Variants in CYP2F1 observed in about 807,000 individuals in gnomAD.
The protein encoded by CYP2F1 is cytochrome P450 2F1.
CYP2F1 carries 33 observed loss-of-function variants against 40.4 expected under a neutral mutation model. The observed-to-expected ratio is 0.82, with a 90% CI of 0.62 to 1.09. The LOEUF (loss-of-function observed/expected upper bound fraction) is 1.09. Among genes scored for constraint, CYP2F1 ranks in the 50% least tolerant of loss-of-function variants. CYP2F1 has a pLI of 0.00. For missense variants in CYP2F1, 566 were observed against 655.7 expected (o/e 0.86, Z 1.49); for synonymous variants, 235 against 277.2 (o/e 0.85, Z 1.51).
chr19:41,124,761 G>C lies in CYP2F1; in HGVS notation c.1007G>C (p.Arg336Pro), dbSNP rs1246264595. 1 of 1,606,912 alleles carries C rather than the reference G, an allele frequency of 6.2e-7. No homozygotes were observed. The highest frequency in any genetic ancestry group is 1.7e-5 in the Admixed American group (1 of 59,890). ...ATCGACCTCGTGGTGGGACGCGCGCGGCTGCCGGCGCTGAAGGACCGCGCG... is the reference window on the plus strand; with the variant it reads ...ATCGACCTCGTGGTGGGACGCGCGCCGCTGCCGGCGCTGAAGGACCGCGCG... ...EEIDLVVGRA[R>P]LPALKDRAAM... Residue 336 changes from arginine (R) to proline (P), a missense_variant, in exon 8 of 10, where the codon CGG becomes CCG. This residue lies in a region of CYP2F1 where 128 missense variants were observed against 121.0 expected (regional missense o/e 1.06). Transcript: ENST00000331105.
chr19:41,119,182 T>C (rs2031991616), intron 3 of CYP2F1, among the ~76,000 whole-genome samples: 1 of 152,098 alleles, frequency 6.6e-6, no homozygotes, highest in South Asian at 2.1e-4. Context: ...GGGGTGAAAG[T>C]GCTCTGGGAA....
chr19:41,124,926 C>A lies in CYP2F1; in HGVS notation c.1152+20C>A, dbSNP rs759309456. 1 of 1,580,344 alleles carries A rather than the reference C, an allele frequency of 6.3e-7. No individual in the cohort carries two copies. Among genetic ancestry groups the A allele is most frequent in the South Asian group, 1.1e-5 (1 of 87,534 alleles). ...CCCAAGGTGCGCTAGGCCTGGCAAA[C>A]GACATCAGGCAACCTAAGAGGAGGC... is the stretch of plus-strand genomic sequence containing the variant. On this transcript the variant is annotated intron_variant, in intron 8 of 9. Transcript: ENST00000331105.
At chr19:41,119,746 T>TACACACACAC (rs1373000672) in intron 3 of CYP2F1, among the ~76,000 whole-genome samples, 11 of 54,212 alleles carry the variant, frequency 2.0e-4, no homozygotes, top group South Asian at 2.1e-3. Flanking sequence ...TATATATATA[T>TACACACACAC]ATACACACAC....
intron 1 of CYP2F1, 117 bp from the exon 2 acceptor site, chr19:41,116,059 CCT>C (rs1195658830): frequency 5.3e-6 from 5 of 942,232 alleles, no homozygotes; most frequent in East Asian, 2.5e-5. Context: ...CTGGCCTCTC[CCT>C]GTCTCCTTCT....
intron 3 of CYP2F1, among the ~76,000 whole-genome samples, chr19:41,116,932 C>T (rs1444950505): frequency 6.6e-6 from 1 of 152,006 alleles, no homozygotes; most frequent in African/African-American, 2.4e-5. Flanking sequence ...GTCAAGTGGC[C>T]CCAGTTCCCA....
At chr19:41,117,200 G>A (rs1056797683) in intron 3 of CYP2F1, among the ~76,000 whole-genome samples, 9 of 151,908 alleles carry the variant, frequency 5.9e-5, no homozygotes, top group African/African-American at 1.2e-4. Context: ...GCACAATCTC[G>A]GCCCACTGCA....
chr19:41,127,649 T>A (rs773172444), intron 9 of CYP2F1, among the ~76,000 whole-genome samples: 3 of 152,152 alleles, frequency 2.0e-5, no homozygotes, highest in Admixed American at 2.0e-4. Flanking sequence ...ATCCCCATTT[T>A]AAATATCCAG....
At chr19:41,118,349 G>C (rs2031945152) in intron 3 of CYP2F1, among the ~76,000 whole-genome samples, 1 of 152,066 alleles carries the variant, frequency 6.6e-6, no homozygotes, top group African/African-American at 2.4e-5. Flanking sequence ...TTGGAAAGGG[G>C]ATCCTGGAGA....
At position 41,122,491 on chromosome 19, in the gene CYP2F1, T is replaced by C. The variant is rs1304931392; in HGVS notation, c.823-331T>C. On this transcript the variant is annotated intron_variant, in intron 6 of 9. Coordinates refer to ENST00000331105, the MANE Select transcript of CYP2F1 (RefSeq NM_000774.5). The stretch of plus-strand genomic sequence containing the variant: ...TACAACACATACGTACACACATACA[T>C]ACACACACACATACATACATACATA... Among the ~76,000 whole-genome samples the C allele has an allele frequency of 5.9e-5, 9 of 151,514 alleles. No individual in the cohort carries two copies. In the South Asian group the frequency reaches 6.3e-4, roughly 11 times the overall value.
In CYP2F1 at chr19:41,121,615, C is replaced by T. The variant is rs375561733; in HGVS notation, c.642C>T (p.Gly214=). Residue 214 remains glycine, a synonymous_variant, in exon 5 of 10, where the codon GGC becomes GGT. Coordinates refer to ENST00000331105, the MANE Select transcript of CYP2F1 (RefSeq NM_000774.5). ...TCCAAATCATGAGCAGCCCCTGGGG[C>T]GAGGTCAGCCAACTGAGTCCAGCAG... ...DNFQIMSSPW[G]ELYDIFPSLL... The T allele has an allele frequency of 7.5e-6, 12 of 1,609,108 alleles. No individual in the cohort carries two copies. The highest frequency in any genetic ancestry group is 4.4e-5 in the South Asian group (4 of 90,788).
intron 3 of CYP2F1, among the ~76,000 whole-genome samples, chr19:41,117,851 T>C (rs896836882): frequency 3.3e-5 from 5 of 151,868 alleles, no homozygotes; most frequent in African/African-American, 1.2e-4. Flanking sequence ...TATTTATTTA[T>C]TTATTTATTT....
intron 8 of CYP2F1, 83 bp downstream of exon 8, chr19:41,124,989 A>G (rs2032472076): frequency 1.6e-6 from 2 of 1,259,234 alleles, no homozygotes; most frequent in Non-Finnish European, 2.2e-6. Flanking sequence ...TATCCCAGGC[A>G]CTAGCCATGA....
rs2031820724 is a variant in CYP2F1, at chr19:41,116,546, T to C, written c.263T>C (p.Leu88Pro). The C allele has an allele frequency of 1.2e-6, 2 of 1,613,904 alleles. No homozygotes were observed. Among genetic ancestry groups the C allele is most frequent in the Admixed American group, 3.3e-5 (2 of 59,958 alleles). ...GGGTACCAAGCTGTGAAGGAGGCCC[T>C]GGTGGACCAGGGAGAGGAGTTTAGT... ...LSGYQAVKEA[L>P]VDQGEEFSGR... Residue 88 changes from leucine (L) to proline (P), a missense_variant, in exon 3 of 10, where the codon CTG (leucine) becomes CCG (proline). Leu to Pro is a moderately conservative substitution (Grantham distance 98). Transcript: ENST00000331105.
At position 41,121,603 on chromosome 19, in the gene CYP2F1, C is replaced by T; in HGVS notation, c.630C>T (p.Ser210=). ...TCAATGACAACTTCCAAATCATGAG[C>T]AGCCCCTGGGGCGAGGTCAGCCAAC... The part of the protein sequence containing the change: ...RLINDNFQIM[S]SPWGELYDIF... Residue 210 remains serine (S), a synonymous_variant, in exon 5 of 10, where the codon AGC becomes AGT. Coordinates refer to ENST00000331105, the MANE Select transcript of CYP2F1 (RefSeq NM_000774.5). The T allele has an allele frequency of 6.2e-7, 1 of 1,610,110 alleles. No homozygotes were observed. Among genetic ancestry groups the T allele is most frequent in the Non-Finnish European group, 8.5e-7 (1 of 1,179,676 alleles).
At chr19:41,119,121 A>G (rs1199692756) in intron 3 of CYP2F1, among the ~76,000 whole-genome samples, 1 of 152,078 alleles carries the variant, frequency 6.6e-6, no homozygotes, top group Admixed American at 6.6e-5. Context: ...GGAAGAGGGG[A>G]CCTCTAAGCT....
chr19:41,126,550 A>G (rs2032553925), intron 9 of CYP2F1, among the ~76,000 whole-genome samples: 1 of 152,038 alleles, frequency 6.6e-6, no homozygotes, highest in Non-Finnish European at 1.5e-5. Context: ...CCAGGAGTTC[A>G]AGACCAGCCT....
chr19:41,116,717 C>A (rs915851281), intron 3 of CYP2F1, 100 bp downstream of exon 3: 1 of 1,318,904 alleles, frequency 7.6e-7, no homozygotes, highest in Non-Finnish European at 1.1e-6. Context: ...ACACTCAGGG[C>A]TGCTGACATC....
At position 41,116,252 on chromosome 19, in the gene CYP2F1, C is replaced by T. The variant is rs2031795222; in HGVS notation, c.64C>T (p.Leu22=). The T allele has an allele frequency of 6.2e-7, 1 of 1,614,102 alleles. No individual in the cohort carries two copies. The highest frequency in any genetic ancestry group is 1.1e-5 in the South Asian group (1 of 91,074). The part of the protein sequence containing the change: ...LLALVCLLLT[L]SSRDKGKLPP... ...GGCTCTCGTCTGTCTGCTCCTGACC[C>T]TAAGCTCAAGAGATAAGGGAAAGCT... Residue 22 remains leucine (L), a synonymous_variant, in exon 2 of 10, where the codon CTA becomes TTA. Transcript: ENST00000331105.
At chr19:41,122,499 C>CATAT (rs1474162638) in intron 6 of CYP2F1, among the ~76,000 whole-genome samples, 1 of 151,850 alleles carries the variant, frequency 6.6e-6, no homozygotes, top group Non-Finnish European at 1.5e-5. Flanking sequence ...CATACACACA[C>CATAT]ACATACATAC....
Sources: gnomAD v4.1 joint callset for allele counts (sites outside exome capture counted in the v4.1 genomes callset) on GRCh38, gnomAD v4.1.1 for gene constraint, gnomAD v4.1.1 regional missense constraint, MANE v1.5 for transcripts, NCBI Gene and HGNC (gene_info 2026-07-23, HGNC 2026-07-21) for gene names.